The following SP140L variants were observed in gnomAD, a reference collection of about 807,000 sequenced individuals.
SP140L encodes SP140 like nuclear body protein.
SP140L carries 64 observed loss-of-function variants against 84.3 expected under a neutral mutation model. The ratio of observed to expected loss-of-function variants is 0.76; its 90% CI spans 0.62 to 0.94. The LOEUF (loss-of-function observed/expected upper bound fraction) is 0.94, where lower values mean the gene tolerates loss of function less well. Among genes scored for constraint, SP140L ranks in the 40% least tolerant of loss-of-function variants. SP140L has a pLI of 0.00. For missense variants in SP140L, 628 were observed against 692.5 expected, an observed-to-expected ratio of 0.91 and a Z score of 1.05; for synonymous variants, 242 against 236.9, an observed-to-expected ratio of 1.02 and a Z score of -0.20.
chr2:230,366,706 TTATC>T (rs1165151235), intron 5 of SP140L, among the ~76,000 whole-genome samples: 34 of 81,800 alleles, frequency 4.2e-4, no homozygotes, highest in African/African-American at 1.8e-3. Context: ...TTGTGGATTA[TTATC>T]TATTATTATT....
intron 15 of SP140L, chr2:230,400,659 C>T: frequency 1.7e-6 from 1 of 591,776 alleles, no homozygotes; most frequent in Admixed American, 3.1e-5. Context: ...GTTTCTGACA[C>T]ACAGGCCTGG....
intron 10 of SP140L, 149 bp downstream of exon 10, chr2:230,388,782 C>A: frequency 2.7e-6 from 2 of 746,264 alleles, no homozygotes; most frequent in Non-Finnish European, 2.0e-6. Flanking sequence ...AGTCATTTTC[C>A]AAAATGTATC....
chr2:230,339,904 C>T (rs1436978956), intron 2 of SP140L, among the ~76,000 whole-genome samples: 10 of 149,096 alleles, frequency 6.7e-5, no homozygotes, highest in African/African-American at 2.5e-4. Flanking sequence ...CTGAGGAGAG[C>T]TTTACTTCCC....
At chr2:230,400,462 C>G (rs1338032170) in intron 15 of SP140L, 5 of 554,708 alleles carry the variant, frequency 9.0e-6, no homozygotes, top group East Asian at 6.3e-5. Context: ...TATGCTGAGG[C>G]CAGTGTTGGG....
At chr2:230,342,835 A>T (rs1049926337) in intron 2 of SP140L, among the ~76,000 whole-genome samples, 8 of 152,146 alleles carry the variant, frequency 5.3e-5, no homozygotes, top group Non-Finnish European at 1.0e-4. Flanking sequence ...CTTTTCAAAG[A>T]ACCAAGTCTG....
At chr2:230,359,518 G>T (rs968774577) in intron 4 of SP140L, among the ~76,000 whole-genome samples, 3 of 152,150 alleles carry the variant, frequency 2.0e-5, no homozygotes, top group South Asian at 4.1e-4. Context: ...TTAGCTGTGG[G>T]TGCAGGATCC....
chr2:230,359,991 G>GGTGCTATACCA (rs1274167276), intron 4 of SP140L, among the ~76,000 whole-genome samples: 1 of 151,900 alleles, frequency 6.6e-6, no homozygotes, highest in African/African-American at 2.4e-5. Flanking sequence ...CTAAAGTTTT[G>GGTGCTATACCA]ATTCTTGACT....
chr2:230,371,167 A>T (rs960710713), intron 6 of SP140L, among the ~76,000 whole-genome samples, 200 bp downstream of exon 6: 1 of 152,226 alleles, frequency 6.6e-6, no homozygotes, highest in Non-Finnish European at 1.5e-5. Flanking sequence ...TTACATATGG[A>T]TGACGTCATA....
chr2:230,397,741 T>A (rs1160253305), intron 14 of SP140L, among the ~76,000 whole-genome samples: 1 of 152,136 alleles, frequency 6.6e-6, no homozygotes, highest in Non-Finnish European at 1.5e-5. Flanking sequence ...TATACACACC[T>A]TACCTCCAAA....
At chr2:230,363,194 G>C (rs1156454068) in intron 5 of SP140L, among the ~76,000 whole-genome samples, 1 of 152,188 alleles carries the variant, frequency 6.6e-6, no homozygotes, top group East Asian at 1.9e-4. Flanking sequence ...CAGTGGGACT[G>C]ATGGATCATA....
At chr2:230,398,721 C>T (rs1353436561) in intron 14 of SP140L, among the ~76,000 whole-genome samples, 1 of 152,144 alleles carries the variant, frequency 6.6e-6, no homozygotes, top group African/African-American at 2.4e-5. Flanking sequence ...GAGAGCTGGG[C>T]AAAATATAAA....
At chr2:230,331,930 A>G (rs138975944) in intron 2 of SP140L, among the ~76,000 whole-genome samples, 303 of 151,908 alleles carry the variant, frequency 2.0e-3, no homozygotes, top group African/African-American at 7.0e-3. Context: ...TATACCGTGT[A>G]TTTTTCTTTT....
chr2:230,370,128 A>AT (rs1454877883), intron 5 of SP140L, among the ~76,000 whole-genome samples: 2 of 152,190 alleles, frequency 1.3e-5, no homozygotes, highest in Non-Finnish European at 2.9e-5. Flanking sequence ...GAGCTTTTTA[A>AT]TTTTTTCTAT....
rs768579448 is a variant in SP140L, at chr2:230,401,009, G to A, written c.1368G>A (p.Gln456=). The A allele has an allele frequency of 1.1e-5, 16 of 1,509,104 alleles. No individual in the cohort carries two copies. The South Asian group carries it at 1.9e-4, about 18-fold the overall frequency. 93.5% of individuals were successfully genotyped at this position (1,509,104 alleles called of 1,614,324 possible). The part of the protein sequence containing the change: ...CRMKESPGSQ[Q]CCQESEVLER... ...TGAAGGAGTCTCCGGGAAGCCAACA[G>A]TGTTGTCAGGAATCTGAGGTCCTGG... Residue 456 remains glutamine (Q), a synonymous_variant, in exon 16 of 19, where the codon CAG becomes CAA. Coordinates refer to ENST00000415673, the MANE Select transcript of SP140L (RefSeq NM_138402.6).
At chr2:230,402,769 T>C (rs574216371) in intron 18 of SP140L, 29 bp from the exon 19 acceptor site, 3 of 1,544,540 alleles carry the variant, frequency 1.9e-6, no homozygotes, top group Admixed American at 1.7e-5. Flanking sequence ...ATAAGGAACA[T>C]CGTTTTTGTC....
intron 1 of SP140L, 96 bp downstream of exon 1, chr2:230,327,397 C>T (rs2059609440): frequency 4.9e-6 from 7 of 1,414,154 alleles, no homozygotes; most frequent in Non-Finnish European, 6.8e-6. Context: ...TCAGTTTAGT[C>T]CTGCTTTGCA....
chr2:230,395,203 A>G (rs990372161), intron 13 of SP140L, among the ~76,000 whole-genome samples: 3 of 152,172 alleles, frequency 2.0e-5, no homozygotes, highest in African/African-American at 7.2e-5. Context: ...CTCTTGAAAC[A>G]ATATTCATTT....
chr2:230,397,120 G>C (rs879881588), intron 14 of SP140L, among the ~76,000 whole-genome samples: 3 of 152,194 alleles, frequency 2.0e-5, no homozygotes, highest in Non-Finnish European at 4.4e-5. Flanking sequence ...GTAATGGATA[G>C]GGCTGGCCTG....
At chr2:230,328,655 T>C (rs2059644148) in intron 1 of SP140L, 102 bp from the exon 2 acceptor site, 4 of 1,416,780 alleles carry the variant, frequency 2.8e-6, no homozygotes, top group Non-Finnish European at 2.8e-6. Context: ...TTTGCACATA[T>C]GCAAGTATTT....
Sources: allele counts gnomAD v4.1 joint callset (sites outside exome capture counted in the v4.1 genomes callset), GRCh38; gene constraint gnomAD v4.1.1; transcripts MANE v1.5; gene names NCBI Gene and HGNC (gene_info 2026-07-23, HGNC 2026-07-21).